DNAH1: variants seen among roughly 807,000 people sequenced by gnomAD.
DNAH1 encodes dynein axonemal heavy chain 1, also known as axonemal beta dynein heavy chain 1.
In DNAH1, 327 loss-of-function variants were observed where a neutral mutation model predicts 484.3. The ratio of observed to expected loss-of-function variants is 0.68; its 90% confidence interval spans 0.62 to 0.74. The LOEUF is 0.74. DNAH1 is among the 30% of genes least tolerant of loss of function. The pLI, the probability that DNAH1 is intolerant of heterozygous loss-of-function variation, is 0.00. For synonymous variants in DNAH1, 2,192 were observed against 2,191.9 expected (o/e 1.00, Z 0.00); for missense variants, 5,052 against 5,546.8 (o/e 0.91, Z 2.83).
intron 26 of DNAH1, 45 bp downstream of exon 26, chr3:52,359,431 A>G (rs1190634404): frequency 1.9e-6 from 3 of 1,552,950 alleles, no homozygotes; most frequent in Non-Finnish European, 1.7e-6. Context: ...CACCCCCTAC[A>G]TGGCACAGGA....
intron 58 of DNAH1, 72 bp downstream of exon 58, chr3:52,388,681 C>T (rs1212156458): frequency 1.1e-5 from 18 of 1,607,706 alleles, no homozygotes; most frequent in Admixed American, 5.0e-5. Context: ...ACCAGGGCGC[C>T]GGTGGGTCCT....
Position 52,353,558 on chromosome 3 carries a change from G to C in DNAH1, c.3405G>C (p.Glu1135Asp). ...KANLTFARCLEMNLQDHIESI... is the reference protein window; with the variant it reads ...KANLTFARCLDMNLQDHIESI... ...ACCTGACCTTTGCTCGCTGCCTGGA[G>C]ATGAACCTGCAGGACCATATCGAGA... The change falls in exon 20 of 78, where the codon GAG (glutamate) becomes GAC (aspartate). Residue 1135 changes from glutamate to aspartate, a missense_variant. This residue lies in a region of DNAH1 where 2,929 missense variants were observed against 3,409.4 expected (regional missense o/e 0.86). Coordinates refer to ENST00000420323, the MANE Select transcript of DNAH1 (RefSeq NM_015512.5). This position sits in a 1 kb window ranked among gnomAD's most constrained non-coding sequence, Gnocchi z 5.0. 1 of 1,613,460 alleles carries C rather than the reference G, an allele frequency of 6.2e-7. No individual in the cohort carries two copies. Among genetic ancestry groups the C allele is most frequent in the Non-Finnish European group, 8.5e-7 (1 of 1,179,708 alleles).
intron 6 of DNAH1, among the ~76,000 whole-genome samples, chr3:52,328,311 C>T (rs1023003569): frequency 1.3e-5 from 2 of 152,140 alleles, no homozygotes; most frequent in African/African-American, 2.4e-5. Flanking sequence ...GAAACATGCA[C>T]GAGGGGCACA....
At chr3:52,328,589 T>A (rs186074638) in intron 6 of DNAH1, among the ~76,000 whole-genome samples, 2 of 152,378 alleles carry the variant, frequency 1.3e-5, no homozygotes, top group Admixed American at 6.5e-5. Flanking sequence ...GCCCACTTGA[T>A]GCCACACAGG....
At chr3:52,348,169 A>G (rs923062844) in intron 12 of DNAH1, among the ~76,000 whole-genome samples, 195 bp downstream of exon 12, 1 of 152,234 alleles carries the variant, frequency 6.6e-6, no homozygotes, top group African/African-American at 2.4e-5. Flanking sequence ...TAACACTCGC[A>G]TTCTGTAGGT....
chr3:52,371,884 C>G, intron 41 of DNAH1, 62 bp from the exon 42 acceptor site: 1 of 1,586,110 alleles, frequency 6.3e-7, no homozygotes, highest in Admixed American at 1.7e-5. Context: ...GCCATGGGGC[C>G]GCAGCCAGGA....
At position 52,372,404 on chromosome 3, in the gene DNAH1, T is replaced by A; in HGVS notation, c.6827+17T>A. ...GGACAAGAGGCAGGGCACCCCTCCC[T>A]CCTTCCTCACCCCTGCATCCTCCCA... On this transcript the variant is annotated intron_variant, in intron 43 of 77. Transcript: ENST00000420323. 1 of 1,611,738 alleles carries A rather than the reference T, an allele frequency of 6.2e-7. No individual in the cohort carries two copies.
intron 44 of DNAH1, chr3:52,374,369 TG>T: frequency 1.4e-6 from 2 of 1,441,656 alleles, no homozygotes; most frequent in Non-Finnish European, 2.0e-6. Context: ...TGGCATACTG[TG>T]GAGTGCAGTT....
chr3:52,359,047 T>C (rs978516913), intron 25 of DNAH1, among the ~76,000 whole-genome samples, 199 bp from the exon 26 acceptor site: 7 of 152,154 alleles, frequency 4.6e-5, no homozygotes, highest in African/African-American at 1.4e-4. Context: ...CTCCCCAGCC[T>C]GCAGAGTCAG....
At chr3:52,391,416 A>T in intron 62 of DNAH1, 27 bp from the exon 63 acceptor site, 2 of 1,600,050 alleles carry the variant, frequency 1.2e-6, no homozygotes, top group South Asian at 1.1e-5. Flanking sequence ...CTCAGGCCAC[A>T]GTACCCACCG....
In DNAH1 at chr3:52,322,509, G is replaced by T. The variant is rs1214676887; in HGVS notation, c.67G>T (p.Ala23Ser). 3.1e-6 allele frequency: 5 copies of T among 1,613,746 alleles called. No homozygotes were observed. The highest frequency in any genetic ancestry group is 4.2e-6 in the Non-Finnish European group (5 of 1,179,786). Residue 23 changes from alanine (A) to serine (S), a missense_variant, in exon 2 of 78, where the codon GCT (alanine) becomes TCT (serine). Ala to Ser is a moderately conservative substitution (Grantham distance 99). Around this residue, in one of 4 missense-constraint regions of DNAH1, gnomAD observed 1,263 missense variants for 1,218.8 expected, o/e 1.04. Coordinates refer to ENST00000420323, the MANE Select transcript of DNAH1 (RefSeq NM_015512.5). ...CCCTCAGGGCCCAGAGTGCAGCAGT[G>T]CTCCTGCAGTCCAAGTGGGGACCCA... is the stretch of plus-strand genomic sequence containing the variant. ...RTPQGPECSS[A>S]PAVQVGTHRG... is the part of the protein sequence containing the mutation.
chr3:52,322,270 C>T (rs536697880), intron 1 of DNAH1, 139 bp from the exon 2 acceptor site: 1 of 610,820 alleles, frequency 1.6e-6, no homozygotes, highest in African/African-American at 1.9e-5. Flanking sequence ...AGGAGGAGAC[C>T]ACTCCCTCCT....
intron 8 of DNAH1, among the ~76,000 whole-genome samples, chr3:52,339,385 T>G (rs1248881527): frequency 6.6e-6 from 1 of 152,162 alleles, no homozygotes; most frequent in Non-Finnish European, 1.5e-5. Flanking sequence ...CCGTGATACT[T>G]TTATTTTCCA....
rs1284970245 is a variant in DNAH1, at chr3:52,348,940, G to A, written c.2159G>A (p.Gly720Asp). ...GGTGACCCCCTGCTGGAGTCCGTGGGCCTTCATGAGCCACTGGTGGAAGAG... is the reference window on the plus strand; with the variant it reads ...GGTGACCCCCTGCTGGAGTCCGTGGACCTTCATGAGCCACTGGTGGAAGAG... ...ISGDPLLESV[G>D]LHEPLVEELR... The change falls in exon 13 of 78, where the codon GGC (glycine) becomes GAC (aspartate). Residue 720 changes from glycine (G) to aspartate (D), a missense_variant. Around this residue, in one of 4 missense-constraint regions of DNAH1, gnomAD observed 1,263 missense variants for 1,218.8 expected, o/e 1.04. Coordinates refer to ENST00000420323, the MANE Select transcript of DNAH1 (RefSeq NM_015512.5). The A allele has an allele frequency of 6.2e-7, 1 of 1,613,402 alleles. No homozygotes were observed. Among genetic ancestry groups the A allele is most frequent in the Non-Finnish European group, 8.5e-7 (1 of 1,179,894 alleles).
chr3:52,371,933 CCTATGATT>C lies in DNAH1; in HGVS notation c.6526-11_6526-4del. 1 of 1,612,658 alleles carries C rather than the reference CCTATGATT, an allele frequency of 6.2e-7. No homozygotes were observed. On this transcript the variant is annotated splice_polypyrimidine_tract_variant and splice_region_variant and intron_variant, in intron 41 of 77. Transcript: ENST00000420323. Reference sequence around the variant, plus strand: ...GGGTTCCAGGCCCACTGCTGAGCCACCTATGATTCCAGGTTGCCTGGGTGAAGTGGATG... The same window carrying C: ...GGGTTCCAGGCCCACTGCTGAGCCACCCAGGTTGCCTGGGTGAAGTGGATG...
Position 52,326,377 on chromosome 3 carries a change from G to A in DNAH1, c.581+63G>A, listed in dbSNP as rs1040389896. ...GTGGCATCCACCCGCCTCAGGGGAT[G>A]AGGAACTGCAGATCACCAGGTGATA... On this transcript the variant is annotated intron_variant, in intron 4 of 77. Transcript: ENST00000420323. 12 of 1,540,500 alleles carry A rather than the reference G, an allele frequency of 7.8e-6. No homozygotes were observed. The African/African-American group carries it at 1.4e-4, about 17-fold the overall frequency.
intron 8 of DNAH1, among the ~76,000 whole-genome samples, chr3:52,335,874 T>C (rs916240239): frequency 2.6e-5 from 4 of 151,922 alleles, no homozygotes; most frequent in Non-Finnish European, 5.9e-5. Flanking sequence ...CCTCAAGTAA[T>C]CTGCCCACCT....
Position 52,369,948 on chromosome 3 carries a change from C to A in DNAH1, c.6067C>A (p.Leu2023Met). The change falls in exon 38 of 78, where the codon CTG becomes ATG. Residue 2023 changes from leucine (L) to methionine (M), a missense_variant. Transcript: ENST00000420323. The part of the protein sequence containing the change: ...LGLMPFIECW[L>M]RKLPPLLKPY... ...GCTCATGCCCTTCATCGAGTGCTGG[C>A]TGAGGAAGCTGCCTCCCTTGCTGAA... is the stretch of plus-strand genomic sequence containing the variant. 1 of 1,613,992 alleles carries A rather than the reference C, an allele frequency of 6.2e-7. No homozygotes were observed. The highest frequency in any genetic ancestry group is 8.5e-7 in the Non-Finnish European group (1 of 1,179,886).
chr3:52,349,512 A>G, intron 14 of DNAH1, 92 bp downstream of exon 14: 3 of 1,255,654 alleles, frequency 2.4e-6, no homozygotes, highest in Non-Finnish European at 3.4e-6. Context: ...GATGTCCCCA[A>G]GCAGGGTCTG....
Sources: gnomAD v4.1 joint callset for allele counts (sites outside exome capture counted in the v4.1 genomes callset) on GRCh38, gnomAD v4.1.1 for gene constraint, gnomAD v4.1.1 regional missense constraint, Gnocchi (gnomAD v3.1) non-coding constraint, MANE v1.5 for transcripts, NCBI Gene and HGNC (gene_info 2026-07-23, HGNC 2026-07-21) for gene names.